Variants in TXNRD2 observed in about 807,000 individuals in gnomAD.
The protein encoded by TXNRD2 is thioredoxin reductase 2.
A neutral mutation model predicts 70.8 loss-of-function variants in TXNRD2; 67 were observed. The observed-to-expected ratio is 0.95, with a 90% CI of 0.78 to 1.16. The LOEUF (loss-of-function observed/expected upper bound fraction) is 1.16. Among genes scored for constraint, TXNRD2 ranks in the 50% most tolerant of loss-of-function variants. The pLI, the probability that TXNRD2 is intolerant of heterozygous loss-of-function variation, is 0.00. For synonymous variants in TXNRD2, 301 were observed against 295.8 expected (o/e 1.02, Z -0.18); for missense variants, 644 against 719.9 (o/e 0.89, Z 1.21).
At chr22:19,890,718 C>T (rs1044859645) in intron 11 of TXNRD2, among the ~76,000 whole-genome samples, 1 of 152,212 alleles carries the variant, frequency 6.6e-6, no homozygotes, top group Non-Finnish European at 1.5e-5. Flanking sequence ...TTCTTGCTTT[C>T]TGCCCTTTCC....
chr22:19,889,137 G>T (rs1452613883), intron 11 of TXNRD2, among the ~76,000 whole-genome samples: 4 of 152,102 alleles, frequency 2.6e-5, no homozygotes, highest in East Asian at 1.9e-4. Flanking sequence ...GCGGCTCCTT[G>T]GGGGGTGGGG....
chr22:19,880,149 GTCC>G, intron 14 of TXNRD2, 27 bp downstream of exon 14: 5 of 1,608,940 alleles, frequency 3.1e-6, no homozygotes, highest in Non-Finnish European at 2.5e-6. Context: ...AGTCGCCACT[GTCC>G]TCAGCTGTGC....
At chr22:19,876,040 T>G (rs950900972) in intron 17 of TXNRD2, 1 of 151,992 alleles carries the variant, frequency 6.6e-6, no homozygotes, top group Non-Finnish European at 1.5e-5. Context: ...CTCTGGGAGG[T>G]GTAATGTTCT....
intron 17 of TXNRD2, 36 bp downstream of exon 17, chr22:19,877,004 C>A (rs931897920): frequency 5.6e-6 from 8 of 1,435,708 alleles, no homozygotes; most frequent in Non-Finnish European, 7.4e-6. Flanking sequence ...CTGCCACATG[C>A]CCTGTCCTCA....
intron 11 of TXNRD2, among the ~76,000 whole-genome samples, chr22:19,886,266 G>A (rs912284097): frequency 6.6e-6 from 1 of 152,260 alleles, no homozygotes; most frequent in South Asian, 2.1e-4. Context: ...CCACTTGGGT[G>A]GGGCCACGTC....
intron 11 of TXNRD2, chr22:19,893,814 A>C (rs1022136643): frequency 6.6e-6 from 1 of 152,260 alleles, no homozygotes; most frequent in Non-Finnish European, 1.5e-5. Context: ...TGACTTCTGG[A>C]AAGGCCTGCA....
chr22:19,938,167 TG>T (rs1416017681), intron 1 of TXNRD2: 2 of 152,188 alleles, frequency 1.3e-5, no homozygotes, highest in East Asian at 3.9e-4. Context: ...GTGGGCCTGG[TG>T]TTAGGCAGGG....
chr22:19,940,395 G>A (rs889344400), intron 1 of TXNRD2, among the ~76,000 whole-genome samples: 5 of 152,118 alleles, frequency 3.3e-5, no homozygotes, highest in African/African-American at 4.8e-5. Context: ...GGGAGGACCA[G>A]GATCATCATC....
At chr22:19,920,546 G>A (rs1351542646) in intron 2 of TXNRD2, among the ~76,000 whole-genome samples, 1 of 151,570 alleles carries the variant, frequency 6.6e-6, no homozygotes, top group Non-Finnish European at 1.5e-5. Context: ...TCACACCACT[G>A]TACTCCAGCC....
intron 11 of TXNRD2, among the ~76,000 whole-genome samples, chr22:19,889,121 C>T (rs1939155560): frequency 6.6e-6 from 1 of 152,100 alleles, no homozygotes; most frequent in Non-Finnish European, 1.5e-5. Flanking sequence ...ATGTCTCATA[C>T]CCAGGGCGGC....
intron 11 of TXNRD2, chr22:19,883,737 T>G (rs1938895279): frequency 2.3e-6 from 1 of 437,818 alleles, no homozygotes; most frequent in Non-Finnish European, 4.2e-6. Flanking sequence ...GTGGATCACC[T>G]GAGGTCTGGA....
At chr22:19,939,090 A>C (rs1941618969) in intron 1 of TXNRD2, among the ~76,000 whole-genome samples, 1 of 152,224 alleles carries the variant, frequency 6.6e-6, no homozygotes, top group Non-Finnish European at 1.5e-5. Context: ...TTTTACCAGG[A>C]GATCGTCAAT....
Position 19,908,101 on chromosome 22 carries a change from T to C in TXNRD2, c.662+3276A>G, listed in dbSNP as rs61513647. On this transcript the variant is annotated intron_variant, in intron 8 of 17. Transcript: ENST00000400521. Reference sequence around the variant, plus strand: ...TGTGGGCGCCGTGGGTAGCAGTGACTGCTCTCAGGAGAGTGTGGGTGCACC... The same window carrying C: ...TGTGGGCGCCGTGGGTAGCAGTGACCGCTCTCAGGAGAGTGTGGGTGCACC... Among the ~76,000 whole-genome samples, 188 of 22,330 alleles carry C rather than the reference T, an allele frequency of 8.4e-3. 2 individuals are homozygous for C. Among genetic ancestry groups the C allele is most frequent in the Middle Eastern group, 0.038 (1 of 26 alleles). 14.6% of individuals were successfully genotyped at this position (22,330 alleles called of 152,430 possible). A position where few individuals can be genotyped will look rare whatever the true frequency, so the allele number is the denominator to read the frequency against.
intron 8 of TXNRD2, chr22:19,911,148 G>A: frequency 1.6e-6 from 1 of 644,444 alleles, no homozygotes; most frequent in African/African-American, 1.8e-5. Context: ...CCAGGCTGAT[G>A]CTGATCTCGA....
At chr22:19,919,743 A>G in intron 2 of TXNRD2, 144 bp from the exon 3 acceptor site, 1 of 794,406 alleles carries the variant, frequency 1.3e-6, no homozygotes, top group Non-Finnish European at 2.1e-6. Context: ...GAGCTGCGCA[A>G]TGCTAGGGAC....
chr22:19,926,217 C>T (rs1941137901), intron 2 of TXNRD2, among the ~76,000 whole-genome samples: 1 of 141,706 alleles, frequency 7.1e-6, no homozygotes, highest in Non-Finnish European at 1.6e-5. Context: ...AGGCCAGGCA[C>T]GGTGGCTCAT....
intron 11 of TXNRD2, 114 bp from the exon 12 acceptor site, chr22:19,883,575 T>C (rs570460323): frequency 3.4e-6 from 5 of 1,464,314 alleles, no homozygotes; most frequent in East Asian, 4.5e-5. Flanking sequence ...CAGTGGCTCC[T>C]GCCTGTAATC....
chr22:19,907,093 T>G (rs1940064539), intron 8 of TXNRD2, among the ~76,000 whole-genome samples: 1 of 106,824 alleles, frequency 9.4e-6, no homozygotes, highest in Non-Finnish European at 1.9e-5. Flanking sequence ...CAGGAGAGTG[T>G]GGGCGCCATG....
intron 8 of TXNRD2, among the ~76,000 whole-genome samples, chr22:19,903,286 C>T (rs928125332): frequency 4.6e-5 from 7 of 152,246 alleles, no homozygotes; most frequent in East Asian, 1.9e-4. Flanking sequence ...GCAGTACCTC[C>T]GTTATCGGAC....
Sources: allele counts gnomAD v4.1 joint callset (sites outside exome capture counted in the v4.1 genomes callset), GRCh38; gene constraint gnomAD v4.1.1; transcripts MANE v1.5; gene names NCBI Gene and HGNC (gene_info 2026-07-23, HGNC 2026-07-21).